Variants in NCAM2 observed in about 807,000 individuals in gnomAD.
NCAM2 encodes the protein N-CAM-2.
In NCAM2, 30 loss-of-function variants were observed where a neutral mutation model predicts 98.1. The observed-to-expected ratio is 0.31, with a 90% CI of 0.23 to 0.41. NCAM2 has a LOEUF of 0.41. NCAM2 is among the 10% of genes least tolerant of loss of function. The pLI, the probability that NCAM2 is intolerant of heterozygous loss-of-function variation, is 1.00. For missense variants in NCAM2, 867 were observed against 1,005.8 expected (o/e 0.86, Z 1.87); for synonymous variants, 368 against 342.4 (o/e 1.07, Z -0.83).
chr21:21,419,984 A>G (rs892425930), intron 11 of NCAM2, among the ~76,000 whole-genome samples: 5 of 152,052 alleles, frequency 3.3e-5, no homozygotes, highest in Non-Finnish European at 4.4e-5. Context: ...CCAACAGTGT[A>G]AAAGTGTTCC....
chr21:21,473,117 T>C (rs776340816), intron 14 of NCAM2, among the ~76,000 whole-genome samples: 3 of 151,332 alleles, frequency 2.0e-5, no homozygotes, highest in Non-Finnish European at 4.4e-5. Flanking sequence ...CAATGATGAG[T>C]ACCTGTTTGT....
At chr21:21,243,133 A>G (rs892798279) in intron 1 of NCAM2, among the ~76,000 whole-genome samples, 1 of 152,214 alleles carries the variant, frequency 6.6e-6, no homozygotes, top group Non-Finnish European at 1.5e-5. Context: ...AATACTTCCA[A>G]CGTTTTAAGA....
At chr21:21,316,201 A>C (rs193210368) in intron 5 of NCAM2, among the ~76,000 whole-genome samples, 5 of 152,140 alleles carry the variant, frequency 3.3e-5, no homozygotes, top group Non-Finnish European at 7.4e-5. Flanking sequence ...AGTAGTTCCA[A>C]TTATTTCTTT....
intron 1 of NCAM2, among the ~76,000 whole-genome samples, chr21:21,063,805 A>C (rs769954050): frequency 6.6e-6 from 1 of 152,110 alleles, no homozygotes; most frequent in Non-Finnish European, 1.5e-5. Context: ...TATGTGTATT[A>C]AGAGCTTATT....
At chr21:21,428,713 A>G (rs1439689685) in intron 11 of NCAM2, among the ~76,000 whole-genome samples, 1 of 152,202 alleles carries the variant, frequency 6.6e-6, no homozygotes, top group Non-Finnish European at 1.5e-5. Context: ...TATAAGATAG[A>G]TAGGAATCAA....
chr21:21,452,959 ATAT>A (rs1281146508), intron 12 of NCAM2, among the ~76,000 whole-genome samples: 2 of 35,312 alleles, frequency 5.7e-5, no homozygotes, highest in African/African-American at 2.3e-4. Flanking sequence ...ACTATATATT[ATAT>A]ATTATATATT....
At chr21:21,462,539 C>G (rs1397911970) in intron 12 of NCAM2, among the ~76,000 whole-genome samples, 1 of 151,838 alleles carries the variant, frequency 6.6e-6, no homozygotes, top group African/African-American at 2.4e-5. Context: ...GTCTGGTTCT[C>G]TAATAAAAAG....
At chr21:21,290,732 G>A (rs1418833278) in intron 4 of NCAM2, among the ~76,000 whole-genome samples, 2 of 151,720 alleles carry the variant, frequency 1.3e-5, no homozygotes, top group African/African-American at 4.8e-5. Flanking sequence ...GCAACTACAG[G>A]CTTGTCCGTT....
intron 1 of NCAM2, among the ~76,000 whole-genome samples, chr21:21,229,204 A>G (rs1426947685): frequency 6.6e-6 from 1 of 151,558 alleles, no homozygotes; most frequent in Non-Finnish European, 1.5e-5. Flanking sequence ...GTAATAAAAT[A>G]TACCTAAATG....
intron 12 of NCAM2, among the ~76,000 whole-genome samples, chr21:21,436,675 G>A (rs1978371688): frequency 6.6e-6 from 1 of 152,010 alleles, no homozygotes; most frequent in African/African-American, 2.4e-5. Context: ...AGAATGGAAA[G>A]GATTATTTTA....
chr21:21,229,324 A>G (rs1229010421), intron 1 of NCAM2, among the ~76,000 whole-genome samples: 6 of 151,572 alleles, frequency 4.0e-5, no homozygotes, highest in African/African-American at 2.4e-5. Flanking sequence ...TTCTCATTTC[A>G]TAGTGTTGAC....
At chr21:21,175,792 C>T (rs2068266665) in intron 1 of NCAM2, among the ~76,000 whole-genome samples, 1 of 152,118 alleles carries the variant, frequency 6.6e-6, no homozygotes, top group South Asian at 2.1e-4. Flanking sequence ...TGTTAGTGAT[C>T]AGTAGTGACA....
rs902244233 is a variant in NCAM2, at chr21:21,539,076, G to A, written c.*1119G>A. ...TAAATGCCACTATGTGTTCTATTCC[G>A]GATGTTCTAGCTAGAAGTCATTTTA... On this transcript the variant is annotated 3_prime_UTR_variant, in exon 18 of 18. Transcript: ENST00000400546. The A allele has an allele frequency of 2.0e-5, 3 of 152,028 alleles. No individual in the cohort carries two copies. The highest frequency in any genetic ancestry group is 4.4e-5 in the Non-Finnish European group (3 of 67,984). 9.4% of individuals were successfully genotyped at this position (152,028 alleles called of 1,614,324 possible).
chr21:21,394,856 A>T (rs1055322514), intron 9 of NCAM2, among the ~76,000 whole-genome samples: 1 of 152,180 alleles, frequency 6.6e-6, no homozygotes, highest in African/African-American at 2.4e-5. Flanking sequence ...GTCTTTAGAA[A>T]TATCAAACAA....
At chr21:21,120,698 T>C (rs1313129284) in intron 1 of NCAM2, among the ~76,000 whole-genome samples, 1 of 149,064 alleles carries the variant, frequency 6.7e-6, no homozygotes, top group Non-Finnish European at 1.5e-5. Context: ...AAAAAATTGA[T>C]GTTTATTTAT....
intron 1 of NCAM2, chr21:21,147,307 AG>A (rs1198376142): frequency 3.1e-6 from 3 of 978,480 alleles, no homozygotes; most frequent in Admixed American, 1.2e-4. Context: ...GCTAAAAAAA[AG>A]ACAATTTATT....
intron 1 of NCAM2, among the ~76,000 whole-genome samples, chr21:21,265,233 A>C (rs1206315023): frequency 7.9e-6 from 1 of 126,640 alleles, no homozygotes; most frequent in Non-Finnish European, 1.6e-5. Context: ...TATTATATAT[A>C]TGCATGTGTA....
At chr21:21,118,688 T>G (rs1443379876) in intron 1 of NCAM2, among the ~76,000 whole-genome samples, 1 of 152,200 alleles carries the variant, frequency 6.6e-6, no homozygotes, top group African/African-American at 2.4e-5. Context: ...CTACTCTTTT[T>G]CTGTTTCTGT....
chr21:21,376,881 T>C (rs2076044259), intron 9 of NCAM2, among the ~76,000 whole-genome samples: 4 of 151,768 alleles, frequency 2.6e-5, no homozygotes, highest in Non-Finnish European at 1.5e-5. Flanking sequence ...TCTAAAAGGA[T>C]GTTTTGAGAA....
Sources: gnomAD v4.1 joint callset for allele counts (sites outside exome capture counted in the v4.1 genomes callset) on GRCh38, gnomAD v4.1.1 for gene constraint, MANE v1.5 for transcripts, NCBI Gene and HGNC (gene_info 2026-07-23, HGNC 2026-07-21) for gene names.